Variants in ISG20L2 observed in about 807,000 individuals in gnomAD.
The protein encoded by ISG20L2 is interferon-stimulated 20 kDa exonuclease-like 2.
In ISG20L2, 14 loss-of-function variants were observed where a neutral mutation model predicts 27.8. The ratio of observed to expected loss-of-function variants is 0.50; its 90% CI spans 0.33 to 0.79. The LOEUF is 0.79. ISG20L2 is among the 30% of genes least tolerant of loss of function. ISG20L2 has a pLI of 0.02. For synonymous variants in ISG20L2, 157 were observed against 165.7 expected, an observed-to-expected ratio of 0.95 and a Z score of 0.40; for missense variants, 393 against 435.1, an observed-to-expected ratio of 0.90 and a Z score of 0.86.
chr1:156,726,563 T>TA, intron 2 of ISG20L2: 1 of 793,494 alleles, frequency 1.3e-6, no homozygotes, highest in East Asian at 1.3e-4. Flanking sequence ...TTGGCTAACT[T>TA]TTTTGTAGAT....
At position 156,728,677 on chromosome 1, in the gene ISG20L2, A is replaced by G; in HGVS notation, c.-380T>C. On this transcript the variant is annotated 5_prime_UTR_variant, in exon 1 of 4. Coordinates refer to ENST00000368219, the MANE Select transcript of ISG20L2 (RefSeq NM_001370150.2). ...CCGGCCCCTCTAGCCCCGTGGTGGTACAACGCGAAGGTGTGGGAAGGCCGC... is the reference window on the plus strand; with the variant it reads ...CCGGCCCCTCTAGCCCCGTGGTGGTGCAACGCGAAGGTGTGGGAAGGCCGC... 10 of 988,166 alleles carry G rather than the reference A, an allele frequency of 1.0e-5. No individual in the cohort carries two copies. The highest frequency in any genetic ancestry group is 1.2e-5 in the Non-Finnish European group (10 of 831,248). The allele number at this position is 988,166 out of a possible 1,614,324, so 61.2% of individuals were successfully genotyped here.
rs1648948141 is a variant in ISG20L2 at position 156,728,716 on chromosome 1, TGCA to T, written c.-422_-420del. On this transcript the variant is annotated 5_prime_UTR_variant, in exon 1 of 4. Coordinates refer to ENST00000368219, the MANE Select transcript of ISG20L2 (RefSeq NM_001370150.2). ...TGGGAAGGCCGCGATAAACCGGAAC[TGCA>T]GCCCGCCGGACACCTCCGGCTTCAC... 1 of 996,568 alleles carries T rather than the reference TGCA, an allele frequency of 1.0e-6. No homozygotes were observed. The highest frequency in any genetic ancestry group is 4.3e-5 in the South Asian group (1 of 23,106). 61.7% of individuals were successfully genotyped at this position (996,568 alleles called of 1,614,324 possible).
rs113888805 is a variant in ISG20L2, at chr1:156,727,595, C to T, written c.58G>A (p.Glu20Lys). ...FGEPPPKKAL[E>K]GNAKHRNFVK... ...AAATTTCGGTGCTTGGCATTTCCTTCTAATGCCTTTTTGGGAGGAGGTTCC... is the reference window on the plus strand; with the variant it reads ...AAATTTCGGTGCTTGGCATTTCCTTTTAATGCCTTTTTGGGAGGAGGTTCC... Residue 20 changes from glutamate to lysine, a missense_variant, in exon 2 of 4, where the codon GAA becomes AAA. Glu to Lys is a moderately conservative substitution (Grantham distance 56). Around this residue, in one of 3 missense-constraint regions of ISG20L2, gnomAD observed 183 missense variants for 168.2 expected, o/e 1.09. Transcript: ENST00000368219. 1.2e-6 allele frequency: 2 copies of T among 1,614,132 alleles called. No homozygotes were observed.
chr1:156,724,378 G>A, intron 2 of ISG20L2, 30 bp from the exon 3 acceptor site: 2 of 1,576,370 alleles, frequency 1.3e-6, no homozygotes, highest in Non-Finnish European at 8.7e-7. Context: ...AGAGTGGTGA[G>A]AAGGAAGACT....
At chr1:156,724,675 G>A (rs1648678838) in intron 2 of ISG20L2, 1 of 1,068,902 alleles carries the variant, frequency 9.4e-7, no homozygotes, top group East Asian at 6.9e-5. Context: ...GTTCAGTTCT[G>A]GCTTGCTACA....
chr1:156,728,244 C>T, intron 1 of ISG20L2, 171 bp downstream of exon 1: 1 of 985,962 alleles, frequency 1.0e-6, no homozygotes, highest in Non-Finnish European at 1.2e-6. Context: ...GGCTCCAGGC[C>T]GGAATTGGGG....
chr1:156,724,092 G>C, intron 3 of ISG20L2, 56 bp downstream of exon 3: 1 of 1,457,174 alleles, frequency 6.9e-7, no homozygotes, highest in Non-Finnish European at 9.6e-7. Context: ...GTCTGGCTAG[G>C]GGCATCAACG....
rs1031018065 is a variant in ISG20L2, at chr1:156,726,837, T to C, written c.747+69A>G. ...TTGGTGTCTTCCCATAGTGATATCC[T>C]TTGCTGAAAAATGATTTAGACCTCT... On this transcript the variant is annotated intron_variant, in intron 2 of 3. Coordinates refer to ENST00000368219, the MANE Select transcript of ISG20L2 (RefSeq NM_001370150.2). 13 of 1,548,602 alleles carry C rather than the reference T, an allele frequency of 8.4e-6. No individual in the cohort carries two copies. The South Asian group carries it at 1.6e-4, about 19-fold the overall frequency.
In ISG20L2 at chr1:156,727,480, G is replaced by C. The variant is rs1345566197; in HGVS notation, c.173C>G (p.Pro58Arg). 1 of 1,614,104 alleles carries C rather than the reference G, an allele frequency of 6.2e-7. No individual in the cohort carries two copies. Among genetic ancestry groups the C allele is most frequent in the Non-Finnish European group, 8.5e-7 (1 of 1,180,004 alleles). Residue 58 changes from proline (P) to arginine (R), a missense_variant, in exon 2 of 4, where the codon CCT becomes CGT. By Grantham distance (103) the Pro-to-Arg change is moderately radical. Around this residue, in one of 3 missense-constraint regions of ISG20L2, gnomAD observed 183 missense variants for 168.2 expected, o/e 1.09. Coordinates refer to ENST00000368219, the MANE Select transcript of ISG20L2 (RefSeq NM_001370150.2). The part of the protein sequence containing the change: ...PSKAPKLHSE[P>R]SKKGETPTVD... Reference sequence around the variant, plus strand: ...CGTAGGAGTTTCCCCTTTCTTTGAAGGTTCAGAGTGCAACTTAGGCGCCTT... The same window carrying C: ...CGTAGGAGTTTCCCCTTTCTTTGAACGTTCAGAGTGCAACTTAGGCGCCTT...
rs1307950692 is a variant in ISG20L2 at position 156,728,496 on chromosome 1, C to G, written c.-199G>C. The stretch of plus-strand genomic sequence containing the variant: ...TGCGCGCCGACGAAGCCCGGGAAGG[C>G]AGGCGCGCGGGTTAGAACGCGCCAG... On this transcript the variant is annotated 5_prime_UTR_variant, in exon 1 of 4. Coordinates refer to ENST00000368219, the MANE Select transcript of ISG20L2 (RefSeq NM_001370150.2). 5.1e-6 allele frequency: 5 copies of G among 985,510 alleles called. No individual in the cohort carries two copies. In the African/African-American group the frequency reaches 8.7e-5, roughly 17 times the overall value. The allele number at this position is 985,510 out of a possible 1,614,324, so 61.0% of individuals were successfully genotyped here.
In ISG20L2 at chr1:156,724,271, G is replaced by A. The variant is rs762166772; in HGVS notation, c.825C>T (p.His275=). ...AGGTGTCACGGGTGAGGGACTTGGG[G>A]TGAAAGTACTGAAGGGCTTTGAAGT... is the stretch of plus-strand genomic sequence containing the variant. ...HNDFKALQYF[H]PKSLTRDTSH... Residue 275 remains histidine, a synonymous_variant, in exon 3 of 4, where the codon CAC becomes CAT. Coordinates refer to ENST00000368219, the MANE Select transcript of ISG20L2 (RefSeq NM_001370150.2). 2 of 1,614,114 alleles carry A rather than the reference G, an allele frequency of 1.2e-6. No homozygotes were observed. Among genetic ancestry groups the A allele is most frequent in the East Asian group, 2.2e-5 (1 of 44,886 alleles).
chr1:156,728,686 A>G lies in ISG20L2; in HGVS notation c.-389T>C, dbSNP rs1295066462. ...CTAGCCCCGTGGTGGTACAACGCGA[A>G]GGTGTGGGAAGGCCGCGATAAACCG... On this transcript the variant is annotated 5_prime_UTR_variant, in exon 1 of 4. Transcript: ENST00000368219. 7.1e-6 allele frequency: 7 copies of G among 989,008 alleles called. No homozygotes were observed. In the African/African-American group the frequency reaches 1.2e-4, roughly 17 times the overall value. The allele number at this position is 989,008 out of a possible 1,614,324, so 61.3% of individuals were successfully genotyped here.
At position 156,727,400 on chromosome 1, in the gene ISG20L2, T is replaced by C. The variant is rs1461989952; in HGVS notation, c.253A>G (p.Ser85Gly). The C allele has an allele frequency of 9.3e-6, 15 of 1,614,056 alleles. No homozygotes were observed. The highest frequency in any genetic ancestry group is 1.2e-5 in the Non-Finnish European group (14 of 1,180,020). Residue 85 changes from serine to glycine, a missense_variant, in exon 2 of 4, where the codon AGC (serine) becomes GGC (glycine). Physicochemically the swap from Ser to Gly is moderately conservative, Grantham distance 56. Around this residue, in one of 3 missense-constraint regions of ISG20L2, gnomAD observed 183 missense variants for 168.2 expected, o/e 1.09. Transcript: ENST00000368219. ...TCCAGGGGCTGTCCTGACCCATTGC[T>C]GGAAGCAGCTGTCTTCTTTTTTGGG... ...SFPKKKTAASSNGSGQPLDKK... is the reference protein window; with the variant it reads ...SFPKKKTAASGNGSGQPLDKK...
At chr1:156,726,258 T>C (rs1160774039) in intron 2 of ISG20L2, 1 of 985,316 alleles carries the variant, frequency 1.0e-6, no homozygotes, top group East Asian at 1.1e-4. Flanking sequence ...GGACGAGCTC[T>C]CCACCTTTCC....
intron 2 of ISG20L2, chr1:156,725,217 T>C (rs566277781): frequency 6.6e-6 from 1 of 152,332 alleles, no homozygotes; most frequent in South Asian, 2.1e-4. Flanking sequence ...CCCAAAGTGC[T>C]GGGATTACAG....
chr1:156,725,926 A>C (rs916547601), intron 2 of ISG20L2: 1 of 985,366 alleles, frequency 1.0e-6, no homozygotes, highest in Admixed American at 6.1e-5. Context: ...CAGAGAGGGC[A>C]GAGTGTGGAC....
intron 3 of ISG20L2, chr1:156,723,814 C>A: frequency 1.6e-6 from 2 of 1,240,892 alleles, no homozygotes; most frequent in Non-Finnish European, 2.0e-6. Context: ...ATCTTCCTGC[C>A]AGATGGGCCA....
rs999445158 is a variant in ISG20L2, at chr1:156,727,920, G to A, written c.-117-151C>T. ...AAAACATAACATGAAATGATGGAGG[G>A]AGCATTGGTGTTAGCCAGCAAGCCT... is the stretch of plus-strand genomic sequence containing the variant. On this transcript the variant is annotated intron_variant, in intron 1 of 3. Coordinates refer to ENST00000368219, the MANE Select transcript of ISG20L2 (RefSeq NM_001370150.2). 3.3e-6 allele frequency: 4 copies of A among 1,202,192 alleles called. No individual in the cohort carries two copies. In the Admixed American group the frequency reaches 1.6e-4, roughly 48 times the overall value. 74.5% of individuals were successfully genotyped at this position (1,202,192 alleles called of 1,614,324 possible).
chr1:156,723,878 C>T (rs1043804114), intron 3 of ISG20L2: 11 of 1,296,904 alleles, frequency 8.5e-6, no homozygotes, highest in South Asian at 7.5e-5. Context: ...ATCCACTACA[C>T]GGTCTCTTGG....
Sources: allele counts gnomAD v4.1 joint callset, GRCh38; gene constraint gnomAD v4.1.1; regional missense constraint gnomAD v4.1.1; transcripts MANE v1.5; gene names NCBI Gene and HGNC (gene_info 2026-07-23, HGNC 2026-07-21).